The following EVA1A variants were observed in gnomAD, a reference collection of about 807,000 sequenced individuals.
The protein encoded by EVA1A is eva-1 homolog A, regulator of programmed cell death.
A neutral mutation model predicts 9.8 loss-of-function variants in EVA1A; 7 were observed. The ratio of observed to expected loss-of-function variants is 0.71; its 90% CI spans 0.41 to 1.34. The LOEUF (loss-of-function observed/expected upper bound fraction) is 1.34, where lower values mean the gene tolerates loss of function less well. EVA1A is among the 40% of genes most tolerant of loss of function. The pLI, the probability that EVA1A is intolerant of heterozygous loss-of-function variation, is 0.01. For synonymous variants in EVA1A, 90 were observed against 85.6 expected (o/e 1.05, Z -0.28); for missense variants, 206 against 205.9 (o/e 1.00, Z 0.00).
rs537790316 is a variant in EVA1A at position 75,532,637 on chromosome 2, T to C, written c.-191-10150A>G. 8.0e-4 allele frequency among the ~76,000 whole-genome samples: 122 copies of C among 152,122 alleles called. 1 individual carries two copies. The highest frequency in any genetic ancestry group is 1.4e-3 in the Non-Finnish European group (96 of 68,018). On this transcript the variant is annotated intron_variant, in intron 1 of 3. Transcript: ENST00000393913. ...AGAATCTTAGGGACCTGTGAGATTA[T>C]TACAAAAGACCTAACATTTGTGTCA...
At chr2:75,564,270 G>C (rs1414413467), upstream of EVA1A, among the ~76,000 whole-genome samples, 1 of 152,204 alleles carries the variant, frequency 6.6e-6, no homozygotes, top group Non-Finnish European at 1.5e-5. Flanking sequence ...ATGTGCACAG[G>C]CACAGCGTAC....
intron 1 of EVA1A, among the ~76,000 whole-genome samples, chr2:75,569,206 A>G (rs1269960154): frequency 6.6e-6 from 1 of 151,938 alleles, no homozygotes; most frequent in African/African-American, 2.4e-5. Context: ...AGATACTTTT[A>G]TTTATACTTC....
At chr2:75,500,400 T>C (rs1188594852) in intron 3 of EVA1A, among the ~76,000 whole-genome samples, 1 of 152,198 alleles carries the variant, frequency 6.6e-6, no homozygotes, top group Non-Finnish European at 1.5e-5. Flanking sequence ...TGTCTACATG[T>C]TTATGTGAAC....
chr2:75,507,739 C>G (rs1340766451), intron 3 of EVA1A, among the ~76,000 whole-genome samples: 4 of 152,166 alleles, frequency 2.6e-5, no homozygotes, highest in Non-Finnish European at 5.9e-5. Context: ...GGACAGGAGA[C>G]AGTAGAGCTG....
chr2:75,512,881 T>C (rs974636204), intron 3 of EVA1A, among the ~76,000 whole-genome samples: 5 of 152,136 alleles, frequency 3.3e-5, no homozygotes, highest in Admixed American at 6.6e-5. Context: ...GAAGTCCCCT[T>C]GCAGAGCAAA....
intron 1 of EVA1A, among the ~76,000 whole-genome samples, chr2:75,540,134 G>C (rs1323618439): frequency 6.6e-6 from 1 of 152,232 alleles, no homozygotes; most frequent in Admixed American, 6.5e-5. Context: ...CAGCCTTCCA[G>C]GTCAGCCCCT....
chr2:75,512,610 C>T (rs1054268638), intron 3 of EVA1A, among the ~76,000 whole-genome samples: 5 of 152,172 alleles, frequency 3.3e-5, no homozygotes, highest in Non-Finnish European at 5.9e-5. Flanking sequence ...TAGTAAAGGT[C>T]AGACATTAAA....
At chr2:75,546,522 A>T (rs76730613) in intron 1 of EVA1A, among the ~76,000 whole-genome samples, 2,811 of 152,154 alleles carry the variant, frequency 0.018, 40 homozygotes, top group Middle Eastern at 0.054. Context: ...ATATAGACAA[A>T]ATCTTCATGT....
exon 1 of EVA1A, chr2:75,569,498 T>A (rs1351005186): frequency 6.6e-6 from 1 of 152,494 alleles, no homozygotes; most frequent in South Asian, 2.1e-4. Context: ...TCCTCCTCTG[T>A]GACCTTCTTT....
intron 3 of EVA1A, among the ~76,000 whole-genome samples, chr2:75,504,928 T>A (rs941433666): frequency 6.6e-6 from 1 of 152,174 alleles, no homozygotes; most frequent in African/African-American, 2.4e-5. Flanking sequence ...CAAACCTGCA[T>A]GTTCTGCACA....
chr2:75,495,307 C>T (rs1259034589), intron 3 of EVA1A, among the ~76,000 whole-genome samples: 1 of 152,108 alleles, frequency 6.6e-6, no homozygotes, highest in African/African-American at 2.4e-5. Flanking sequence ...TGGGGGCAAC[C>T]AGCCCTAGGA....
Position 75,492,427 on chromosome 2 carries a change from A to AAC in EVA1A, c.*807_*808dup, listed in dbSNP as rs386390502. The AAC allele has an allele frequency of 6.6e-6, 1 of 151,968 alleles. No homozygotes were observed. Among genetic ancestry groups the AAC allele is most frequent in the African/African-American group, 2.4e-5 (1 of 41,330 alleles). The allele number at this position is 151,968 out of a possible 1,614,324, so 9.4% of individuals were successfully genotyped here. ...AAATCCAATTAAAAAAAAAAAAAAA[A>AAC]ACAAAGTGTTTAAAATCACAATTAT... On this transcript the variant is annotated 3_prime_UTR_variant, in exon 4 of 4. Coordinates refer to ENST00000393913, the MANE Select transcript of EVA1A (RefSeq NM_001135032.2).
At chr2:75,556,895 C>G (rs1676728870) in intron 1 of EVA1A, among the ~76,000 whole-genome samples, 1 of 152,208 alleles carries the variant, frequency 6.6e-6, no homozygotes, top group Non-Finnish European at 1.5e-5. Flanking sequence ...GGCGATGACC[C>G]TGTTCCTAAC....
In EVA1A at chr2:75,493,458, G is replaced by A; in HGVS notation, c.237C>T (p.Ser79=). 2 of 1,612,548 alleles carry A rather than the reference G, an allele frequency of 1.2e-6. No homozygotes were observed. Among genetic ancestry groups the A allele is most frequent in the South Asian group, 2.2e-5 (2 of 91,026 alleles). Residue 79 remains serine (S), a synonymous_variant, in exon 4 of 4, where the codon AGC becomes AGT. Coordinates refer to ENST00000393913, the MANE Select transcript of EVA1A (RefSeq NM_001135032.2). ...KKFLQDRESS[S]DSSDSEDGSE... is the part of the protein sequence containing the mutation. ...TGCCATCCTCGCTGTCGCTGCTGTC[G>A]CTGCTGCTCTCTCTGTCCTGCAGGA...
chr2:75,498,837 C>T (rs1674308570), intron 3 of EVA1A, among the ~76,000 whole-genome samples: 1 of 150,898 alleles, frequency 6.6e-6, no homozygotes, highest in Non-Finnish European at 1.5e-5. Flanking sequence ...TCTTCTCAGA[C>T]TCATTTGCTT....
intron 2 of EVA1A, among the ~76,000 whole-genome samples, chr2:75,520,718 G>GT (rs1296136566): frequency 6.6e-6 from 1 of 152,056 alleles, no homozygotes; most frequent in African/African-American, 2.4e-5. Flanking sequence ...AGACCTAAAT[G>GT]TAACAGCTAA....
chr2:75,555,590 G>A (rs185031882), intron 1 of EVA1A, among the ~76,000 whole-genome samples: 40 of 152,126 alleles, frequency 2.6e-4, no homozygotes, highest in Admixed American at 7.8e-4. Context: ...TCCCTGACCC[G>A]TGGGCTCTGG....
At chr2:75,561,779 T>A (rs1405852365), upstream of EVA1A, among the ~76,000 whole-genome samples, 2 of 151,866 alleles carry the variant, frequency 1.3e-5, no homozygotes, top group African/African-American at 2.4e-5. Context: ...GCCAGGGCAG[T>A]GAGTGATGGT....
At position 75,518,074 on chromosome 2, in the gene EVA1A, C is replaced by T. The variant is rs761321988; in HGVS notation, c.67G>A (p.Ala23Thr). 7 of 1,614,076 alleles carry T rather than the reference C, an allele frequency of 4.3e-6. No individual in the cohort carries two copies. Among genetic ancestry groups the T allele is most frequent in the Non-Finnish European group, 5.9e-6 (7 of 1,179,990 alleles). The change falls in exon 3 of 4, where the codon GCC (alanine) becomes ACC (threonine). Residue 23 changes from alanine (A) to threonine (T), a missense_variant. Coordinates refer to ENST00000393913, the MANE Select transcript of EVA1A (RefSeq NM_001135032.2). ...CACCTACCTGAGACAAAGGAATAGG[C>T]CGCTAGGATGTTGCTGAGCAAAGCC... ...EMALLSNILA[A>T]YSFVSENPER...
Sources: allele counts gnomAD v4.1 joint callset (sites outside exome capture counted in the v4.1 genomes callset), GRCh38; gene constraint gnomAD v4.1.1; transcripts MANE v1.5; gene names NCBI Gene and HGNC (gene_info 2026-07-23, HGNC 2026-07-21).